PHF24: variants seen among roughly 807,000 people sequenced by gnomAD.
PHF24 encodes the protein Galpha inhibitory interacting protein.
PHF24 carries 25 observed loss-of-function variants against 42.6 expected under a neutral mutation model. The observed-to-expected ratio is 0.59, with a 90% CI of 0.43 to 0.82. The LOEUF is 0.82. Among genes scored for constraint, PHF24 ranks in the 40% least tolerant of loss-of-function variants. The pLI is 0.00. For missense variants in PHF24, 470 were observed against 538.1 expected (o/e 0.87, Z 1.25); for synonymous variants, 185 against 204.8 (o/e 0.90, Z 0.83).
the PHF24 span, among the ~76,000 whole-genome samples, chr9:34,949,251 T>C: frequency 1.3e-5 from 2 of 152,212 alleles, no homozygotes; most frequent in Admixed American, 6.5e-5. Context: ...AAATAAACCA[T>C]ATTTCTAGGT....
At chr9:34,744,588 G>A in the PHF24 span, among the ~76,000 whole-genome samples, 1 of 152,256 alleles carries the variant, frequency 6.6e-6, no homozygotes, top group South Asian at 2.1e-4. Context: ...CATGATGAAA[G>A]AATAAAGGCA....
the PHF24 span, among the ~76,000 whole-genome samples, chr9:34,880,339 T>G: frequency 6.8e-6 from 1 of 146,380 alleles, no homozygotes; most frequent in African/African-American, 2.5e-5. Context: ...GGATCAAATT[T>G]ACACATAACA....
chr9:34,846,066 G>A, the PHF24 span, among the ~76,000 whole-genome samples: 1 of 152,080 alleles, frequency 6.6e-6, no homozygotes, highest in Non-Finnish European at 1.5e-5. Flanking sequence ...ACATACGTGT[G>A]CATGTGTCTT....
At chr9:34,880,856 C>T in the PHF24 span, among the ~76,000 whole-genome samples, 2 of 152,124 alleles carry the variant, frequency 1.3e-5, no homozygotes, top group Admixed American at 6.5e-5. Context: ...ACCAAGCAGA[C>T]CTAATAGATA....
chr9:34,723,095 A>G, the PHF24 span: 1 of 1,045,106 alleles, frequency 9.6e-7, no homozygotes, highest in Non-Finnish European at 1.4e-6. Flanking sequence ...CATCTGTCCC[A>G]CCTGCACATT....
chr9:34,691,150 C>G, the PHF24 span: 4,159 of 1,613,138 alleles, frequency 2.6e-3, 10 homozygotes, highest in Non-Finnish European at 3.3e-3. Context: ...GGAGGGTGAA[C>G]AGAGGCAGGC....
At chr9:34,728,534 A>T in the PHF24 span, 1 of 1,437,212 alleles carries the variant, frequency 7.0e-7, no homozygotes, top group Non-Finnish European at 9.5e-7. Context: ...TCTTGGCTCC[A>T]GAGGTCACAG....
chr9:34,789,812 G>A, the PHF24 span, among the ~76,000 whole-genome samples: 1 of 152,198 alleles, frequency 6.6e-6, no homozygotes. Context: ...AGCATATTCT[G>A]GGAGGTAATG....
At chr9:34,967,652 C>T (rs145806884) in intron 1 of PHF24, among the ~76,000 whole-genome samples, 1 of 152,258 alleles carries the variant, frequency 6.6e-6, no homozygotes, top group African/African-American at 2.4e-5. Flanking sequence ...TGCATCCCAC[C>T]CAGCCATCGA....
chr9:34,840,961 T>C, the PHF24 span, among the ~76,000 whole-genome samples: 1 of 152,112 alleles, frequency 6.6e-6, no homozygotes, highest in African/African-American at 2.4e-5. Context: ...TATTGCCTAA[T>C]TGCCCTCCAA....
the PHF24 span, among the ~76,000 whole-genome samples, chr9:34,675,797 C>T: frequency 6.6e-6 from 1 of 152,110 alleles, no homozygotes; most frequent in Non-Finnish European, 1.5e-5. Context: ...GGATGTAAAG[C>T]TGAGGGTGAC....
At chr9:34,971,269 T>G in intron 1 of PHF24, 26 bp from the exon 2 acceptor site, 1 of 1,566,792 alleles carries the variant, frequency 6.4e-7, no homozygotes, top group South Asian at 1.2e-5. Flanking sequence ...TGGCTGAACC[T>G]GTGCCCCTCT....
chr9:34,846,423 T>C, the PHF24 span, among the ~76,000 whole-genome samples: 2 of 151,472 alleles, frequency 1.3e-5, no homozygotes, highest in African/African-American at 4.9e-5. Context: ...GTTCATGTCC[T>C]TTGCCCACTT....
At chr9:34,977,314 A>T in intron 6 of PHF24, 71 bp downstream of exon 6, 2 of 1,504,500 alleles carry the variant, frequency 1.3e-6, no homozygotes, top group South Asian at 1.3e-5. Context: ...TGGCCCTTCC[A>T]TACCTCCCTG....
the PHF24 span, among the ~76,000 whole-genome samples, chr9:34,741,141 C>T: frequency 6.6e-6 from 1 of 151,988 alleles, no homozygotes; most frequent in African/African-American, 2.4e-5. Flanking sequence ...CTGCCTTGGC[C>T]TCCCAAAGTG....
the PHF24 span, among the ~76,000 whole-genome samples, chr9:34,772,192 T>A: frequency 1.3e-5 from 2 of 152,158 alleles, no homozygotes; most frequent in Non-Finnish European, 2.9e-5. Flanking sequence ...CTAGGATCAG[T>A]CAACAACGCC....
the PHF24 span, among the ~76,000 whole-genome samples, chr9:34,781,722 GAA>G: frequency 1.4e-5 from 2 of 141,362 alleles, no homozygotes; most frequent in African/African-American, 2.6e-5. Flanking sequence ...GGCTGTTAGG[GAA>G]AAAAAAAAAA....
chr9:34,776,668 T>C, the PHF24 span, among the ~76,000 whole-genome samples: 4 of 152,254 alleles, frequency 2.6e-5, no homozygotes, highest in Non-Finnish European at 4.4e-5. Context: ...AAATCAATAA[T>C]TTGAATTATT....
At chr9:34,856,273 T>C in the PHF24 span, among the ~76,000 whole-genome samples, 12 of 152,204 alleles carry the variant, frequency 7.9e-5, no homozygotes, top group Non-Finnish European at 1.6e-4. Context: ...CCTACTTCTG[T>C]CATTTCAGCC....
Sources: allele counts gnomAD v4.1 joint callset (sites outside exome capture counted in the v4.1 genomes callset), GRCh38; gene constraint gnomAD v4.1.1; transcripts MANE v1.5; gene names NCBI Gene and HGNC (gene_info 2026-07-23, HGNC 2026-07-21).